Variants in ANKS1B observed in about 807,000 individuals in gnomAD.
ANKS1B encodes ankyrin repeat and sterile alpha motif domain-containing protein 1B.
A neutral mutation model predicts 148.3 loss-of-function variants in ANKS1B; 36 were observed. The observed-to-expected ratio is 0.24, with a 90% CI of 0.19 to 0.32. The LOEUF is 0.32. Ranked by LOEUF, ANKS1B falls within the 10% of genes least tolerant of loss-of-function variation. ANKS1B has a pLI of 1.00. For missense variants in ANKS1B, 1,157 were observed against 1,542.6 expected, an observed-to-expected ratio of 0.75 and a Z score of 4.19; for synonymous variants, 542 against 560.8, an observed-to-expected ratio of 0.97 and a Z score of 0.47.
At chr12:99,110,822 GA>G (rs1486156814) in intron 15 of ANKS1B, among the ~76,000 whole-genome samples, 8 of 152,226 alleles carry the variant, frequency 5.3e-5, no homozygotes, top group Non-Finnish European at 8.8e-5. Flanking sequence ...TTCAAGAAGG[GA>G]AAAAGCTGAT....
At chr12:99,436,200 A>G (rs1276348776) in intron 11 of ANKS1B, among the ~76,000 whole-genome samples, 1 of 151,976 alleles carries the variant, frequency 6.6e-6, no homozygotes, top group East Asian at 1.9e-4. Flanking sequence ...TCACCCTTCT[A>G]GAATATCAGT....
intron 10 of ANKS1B, among the ~76,000 whole-genome samples, chr12:99,448,461 C>T (rs1339045818): frequency 1.3e-5 from 2 of 151,850 alleles, no homozygotes; most frequent in East Asian, 3.9e-4. Context: ...GGTCAAAGGA[C>T]ACAAAATATC....
intron 11 of ANKS1B, among the ~76,000 whole-genome samples, chr12:99,400,194 T>G (rs2094365259): frequency 1.8e-5 from 2 of 112,112 alleles, no homozygotes; most frequent in Middle Eastern, 4.0e-3. Context: ...ATATAGAATC[T>G]AATAATAAAA....
intron 17 of ANKS1B, among the ~76,000 whole-genome samples, chr12:98,926,935 A>G (rs1004125745): frequency 6.6e-6 from 1 of 152,136 alleles, no homozygotes; most frequent in African/African-American, 2.4e-5. Context: ...AGAGAAAAAA[A>G]GGGGATGAAG....
chr12:99,527,023 A>G (rs1275924555), intron 9 of ANKS1B, among the ~76,000 whole-genome samples: 1 of 152,200 alleles, frequency 6.6e-6, no homozygotes, highest in Non-Finnish European at 1.5e-5. Context: ...GAAATGCTAA[A>G]CATTGTCAGA....
At chr12:99,113,902 A>G (rs1306074819) in intron 15 of ANKS1B, among the ~76,000 whole-genome samples, 1 of 152,234 alleles carries the variant, frequency 6.6e-6, no homozygotes, top group Admixed American at 6.5e-5. Flanking sequence ...AAGATCCTCT[A>G]AAAGGTGATC....
At chr12:98,800,937 A>G (rs2099000152) in intron 21 of ANKS1B, 60 bp downstream of exon 21, 1 of 1,538,940 alleles carries the variant, frequency 6.5e-7, no homozygotes, top group Admixed American at 1.9e-5. Context: ...AATGCAAACA[A>G]GCTGAAAACA....
chr12:99,240,927 T>C (rs1482741465), intron 14 of ANKS1B, among the ~76,000 whole-genome samples: 1 of 152,152 alleles, frequency 6.6e-6, no homozygotes, highest in Non-Finnish European at 1.5e-5. Context: ...TAGCACTAAA[T>C]GCCCACAAGA....
chr12:98,942,939 A>G (rs1044285160), intron 17 of ANKS1B, among the ~76,000 whole-genome samples: 2 of 152,226 alleles, frequency 1.3e-5, no homozygotes, highest in African/African-American at 4.8e-5. Context: ...CGGAAACAAC[A>G]CCAAATACAA....
intron 10 of ANKS1B, among the ~76,000 whole-genome samples, chr12:99,451,158 A>C (rs1360733794): frequency 6.6e-6 from 1 of 152,228 alleles, no homozygotes; most frequent in Non-Finnish European, 1.5e-5. Flanking sequence ...AAATAAGAGG[A>C]CTATCTTCTT....
intron 17 of ANKS1B, among the ~76,000 whole-genome samples, chr12:99,003,611 T>C (rs964618853): frequency 4.6e-5 from 7 of 152,212 alleles, no homozygotes; most frequent in African/African-American, 1.7e-4. Flanking sequence ...TTACAGGAAT[T>C]TGAAATTGTA....
chr12:99,611,407 ATGTTTGTT>A (rs938889221), intron 9 of ANKS1B, among the ~76,000 whole-genome samples: 4 of 151,974 alleles, frequency 2.6e-5, no homozygotes, highest in Non-Finnish European at 5.9e-5. Flanking sequence ...CCTCAAATAC[ATGTTTGTT>A]TGTTTGTTTG....
intron 1 of ANKS1B, among the ~76,000 whole-genome samples, chr12:99,889,003 TAG>T (rs2092966620): frequency 1.2e-5 from 1 of 81,406 alleles, no homozygotes; most frequent in South Asian, 3.4e-4. Context: ...CACACACAAC[TAG>T]AGACTGATTT....
chr12:99,829,121 G>T (rs890953125), intron 1 of ANKS1B, among the ~76,000 whole-genome samples: 3 of 152,208 alleles, frequency 2.0e-5, no homozygotes, highest in Middle Eastern at 3.4e-3. Context: ...AAAAATAGAG[G>T]TTCTTAAAGT....
chr12:98,897,823 A>C (rs2099766897), intron 17 of ANKS1B, among the ~76,000 whole-genome samples: 1 of 152,240 alleles, frequency 6.6e-6, no homozygotes, highest in African/African-American at 2.4e-5. Flanking sequence ...ACCTGTGTCT[A>C]TCAGTGAATG....
At chr12:98,880,820 A>C (rs1283137391) in intron 17 of ANKS1B, among the ~76,000 whole-genome samples, 1 of 152,098 alleles carries the variant, frequency 6.6e-6, no homozygotes, top group African/African-American at 2.4e-5. Flanking sequence ...AACAACAACA[A>C]CAAGATGGGT....
chr12:99,807,926 T>C (rs772794268), intron 3 of ANKS1B, among the ~76,000 whole-genome samples: 1 of 152,098 alleles, frequency 6.6e-6, no homozygotes, highest in Non-Finnish European at 1.5e-5. Flanking sequence ...ACAACAATTC[T>C]CCAAAATTTA....
At chr12:99,019,339 C>G (rs948752310) in intron 17 of ANKS1B, among the ~76,000 whole-genome samples, 1 of 152,052 alleles carries the variant, frequency 6.6e-6, no homozygotes, top group Non-Finnish European at 1.5e-5. Flanking sequence ...TCACAGATAA[C>G]TCTAAGTAAG....
chr12:99,028,113 TTA>T (rs1437064313), intron 17 of ANKS1B, among the ~76,000 whole-genome samples: 1 of 152,224 alleles, frequency 6.6e-6, no homozygotes, highest in Non-Finnish European at 1.5e-5. Context: ...ATCATTATTC[TTA>T]TATGAGTGAA....
Sources: allele counts gnomAD v4.1 joint callset (sites outside exome capture counted in the v4.1 genomes callset), GRCh38; gene constraint gnomAD v4.1.1; transcripts MANE v1.5; gene names NCBI Gene and HGNC (gene_info 2026-07-23, HGNC 2026-07-21).